Variants in MPRIP observed in about 807,000 individuals in gnomAD.
MPRIP encodes the protein myosin phosphatase Rho-interacting protein.
Under a neutral mutation model 234.9 loss-of-function variants are expected in MPRIP, and 59 were observed. That is an observed-to-expected ratio of 0.25 (90% CI 0.20 to 0.31). MPRIP has a LOEUF of 0.31. MPRIP is among the 10% of genes least tolerant of loss of function. The probability of loss-of-function intolerance (pLI) is 1.00; values close to 1 mark genes in which losing one functional copy is unlikely to be tolerated. For synonymous variants in MPRIP, 1,144 were observed against 1,263.9 expected, an observed-to-expected ratio of 0.91 and a Z score of 2.01; for missense variants, 2,436 against 3,071.0, an observed-to-expected ratio of 0.79 and a Z score of 4.89.
chr17:17,091,575 T>A (rs2089718820), intron 3 of MPRIP, among the ~76,000 whole-genome samples: 1 of 152,156 alleles, frequency 6.6e-6, no homozygotes, highest in Non-Finnish European at 1.5e-5. Context: ...TTGTCCAGGG[T>A]CATGCGGCTG....
intron 3 of MPRIP, among the ~76,000 whole-genome samples, chr17:17,091,617 C>T (rs1030836710): frequency 6.6e-6 from 1 of 152,204 alleles, no homozygotes; most frequent in Non-Finnish European, 1.5e-5. Flanking sequence ...GACAGCCGAC[C>T]CTTTTCCAGT....
rs748600297 is a variant in MPRIP at position 17,171,840 on chromosome 17, C to G, written c.6447C>G (p.Ala2149=). ...GAGAAGAGAAAGACCGCCTCCTAGCCGAGGAGACAGCGGCCACCATCTCAG... is the reference window on the plus strand; with the variant it reads ...GAGAAGAGAAAGACCGCCTCCTAGCGGAGGAGACAGCGGCCACCATCTCAG... ...KLREEKDRLL[A]EETAATISAI... The change falls in exon 17 of 24, where the codon GCC becomes GCG. Residue 2149 remains alanine, a synonymous_variant. Transcript: ENST00000651222. 1.2e-5 allele frequency: 19 copies of G among 1,612,956 alleles called. No homozygotes were observed. Among genetic ancestry groups the G allele is most frequent in the Non-Finnish European group, 1.4e-5 (16 of 1,179,940 alleles).
chr17:17,179,972 CAG>C, intron 22 of MPRIP, 29 bp from the exon 23 acceptor site: 1 of 1,542,362 alleles, frequency 6.5e-7, no homozygotes, highest in East Asian at 2.3e-5. Flanking sequence ...GCAAAGGTAA[CAG>C]GTCTGTTTGT....
chr17:17,137,060 C>A (rs912532347), intron 6 of MPRIP, among the ~76,000 whole-genome samples: 1 of 152,190 alleles, frequency 6.6e-6, no homozygotes, highest in Non-Finnish European at 1.5e-5. Flanking sequence ...AATAAGTGAG[C>A]AGCAGGGGCC....
At chr17:17,097,078 A>C (rs2089863996) in intron 3 of MPRIP, 1 of 207,210 alleles carries the variant, frequency 4.8e-6, no homozygotes, top group African/African-American at 2.3e-5. Flanking sequence ...AGGGAGTGTC[A>C]CATGCAAAAG....
intron 1 of MPRIP, among the ~76,000 whole-genome samples, chr17:17,064,906 T>C (rs1222716390): frequency 6.6e-6 from 1 of 152,236 alleles, no homozygotes; most frequent in Non-Finnish European, 1.5e-5. Flanking sequence ...GGTAGTTGCA[T>C]GTTTAGTTTT....
chr17:17,141,457 G>GT (rs2090815319), intron 7 of MPRIP: 1 of 152,244 alleles, frequency 6.6e-6, no homozygotes, highest in African/African-American at 2.4e-5. Context: ...AAGACACTTT[G>GT]TGTCTAAGCA....
At chr17:17,105,478 C>T (rs777468262) in intron 3 of MPRIP, among the ~76,000 whole-genome samples, 1 of 152,320 alleles carries the variant, frequency 6.6e-6, no homozygotes, top group Middle Eastern at 3.4e-3. Flanking sequence ...GTACTGTTCT[C>T]GCCCCCTAAG....
intron 13 of MPRIP, among the ~76,000 whole-genome samples, chr17:17,156,523 A>G (rs927295075): frequency 5.9e-5 from 9 of 152,270 alleles, no homozygotes; most frequent in Non-Finnish European, 1.0e-4. Flanking sequence ...AACAAACTGC[A>G]GTCTCAGAAG....
intron 3 of MPRIP, chr17:17,097,047 A>C: frequency 3.6e-6 from 1 of 273,974 alleles, no homozygotes; most frequent in East Asian, 9.0e-5. Flanking sequence ...ATCTAGGAAC[A>C]TTCTGGGGTG....
At chr17:17,149,623 A>C (rs1233407898) in intron 11 of MPRIP, 1 of 151,518 alleles carries the variant, frequency 6.6e-6, no homozygotes, top group Non-Finnish European at 1.5e-5. Flanking sequence ...CTGATTGTTA[A>C]ATCAGATTTT....
chr17:17,090,574 C>T (rs1192478119), intron 3 of MPRIP, among the ~76,000 whole-genome samples: 1 of 152,106 alleles, frequency 6.6e-6, no homozygotes, highest in Non-Finnish European at 1.5e-5. Context: ...CAGTGGCTGT[C>T]TTGGGGCAAA....
chr17:17,135,472 T>C (rs142229892), intron 5 of MPRIP, among the ~76,000 whole-genome samples: 1 of 152,318 alleles, frequency 6.6e-6, no homozygotes, highest in East Asian at 1.9e-4. Context: ...TTGGTGTCTT[T>C]GTGTGTTCTG....
intron 3 of MPRIP, among the ~76,000 whole-genome samples, chr17:17,083,724 TTTG>T (rs2089519995): frequency 6.6e-6 from 1 of 152,070 alleles, no homozygotes. Flanking sequence ...TGTGTGTTTT[TTTG>T]TTGTTGTTTT....
chr17:17,136,560 C>G (rs1402910045), intron 6 of MPRIP, 110 bp downstream of exon 6: 7 of 1,033,076 alleles, frequency 6.8e-6, no homozygotes, highest in Non-Finnish European at 8.5e-6. Context: ...AAGCCTGGAC[C>G]TCGATTCCCT....
intron 1 of MPRIP, among the ~76,000 whole-genome samples, chr17:17,044,450 C>T (rs1416318976): frequency 6.6e-6 from 1 of 152,180 alleles, no homozygotes; most frequent in Non-Finnish European, 1.5e-5. Flanking sequence ...ATTTCCTTAT[C>T]TGTAAATTGG....
In MPRIP at chr17:17,165,954, G is replaced by A; in HGVS notation, c.4363G>A (p.Ala1455Thr). 1 of 1,304,318 alleles carries A rather than the reference G, an allele frequency of 7.7e-7. No individual in the cohort carries two copies. Among genetic ancestry groups the A allele is most frequent in the Non-Finnish European group, 1.0e-6 (1 of 988,954 alleles). The allele number at this position is 1,304,318 out of a possible 1,614,324, so 80.8% of individuals were successfully genotyped here. ...SQLEQERQER[A>T]RRVEGHVGEL... ...GCTGGAGCAGGAGAGGCAGGAGAGG[G>A]CCAGGAGGGTTGAAGGGCATGTTGG... Residue 1455 changes from alanine (A) to threonine (T), a missense_variant, in exon 16 of 24, where the codon GCC becomes ACC. Ala to Thr is a moderately conservative substitution (Grantham distance 58). This residue lies in a region of MPRIP where 1,998 missense variants were observed against 2,520.3 expected (regional missense o/e 0.79). Transcript: ENST00000651222.
At position 17,166,088 on chromosome 17, in the gene MPRIP, C is replaced by T. The variant is rs3744130; in HGVS notation, c.4497C>T (p.Asp1499=). The T allele has an allele frequency of 7.7e-4, 1,001 of 1,299,030 alleles. 19 individuals are homozygous for T. The East Asian group carries it at 0.04, about 52-fold the overall frequency. 80.5% of individuals were successfully genotyped at this position (1,299,030 alleles called of 1,614,324 possible). ...LPRASQEDEQ[D]ARAASLASVE... is the part of the protein sequence containing the mutation. Reference sequence around the variant, plus strand: ...GGGCCAGCCAGGAGGATGAGCAGGACGCACGCGCAGCCTCCCTGGCCAGTG... The same window carrying T: ...GGGCCAGCCAGGAGGATGAGCAGGATGCACGCGCAGCCTCCCTGGCCAGTG... The change falls in exon 16 of 24, where the codon GAC becomes GAT. Residue 1499 remains aspartate (D), a synonymous_variant. Transcript: ENST00000651222. This position sits in a 1 kb window ranked among gnomAD's most constrained non-coding sequence, Gnocchi z 4.4.
rs545840839 is a variant in MPRIP, at chr17:17,052,654, G to A, written c.123+9683G>A. 2.0e-4 allele frequency among the ~76,000 whole-genome samples: 30 copies of A among 152,322 alleles called. No homozygotes were observed. The South Asian group carries it at 6.2e-3, about 32-fold the overall frequency. On this transcript the variant is annotated intron_variant, in intron 1 of 23. Coordinates refer to ENST00000651222, the MANE Select transcript of MPRIP (RefSeq NM_001364716.4). ...GGACTCCTTAGTTCTTGAGTGTGTG[G>A]TGGGGCGTGTGTGTGAACGGTGCAG... is the stretch of plus-strand genomic sequence containing the variant.
Sources: allele counts gnomAD v4.1 joint callset (sites outside exome capture counted in the v4.1 genomes callset), GRCh38; gene constraint gnomAD v4.1.1; regional missense constraint gnomAD v4.1.1; non-coding constraint Gnocchi (gnomAD v3.1); transcripts MANE v1.5; gene names NCBI Gene and HGNC (gene_info 2026-07-23, HGNC 2026-07-21).